Variants in GGT1 observed in about 807,000 individuals in gnomAD.
The protein encoded by GGT1 is gamma-glutamyltransferase 1, also known as glutathione hydrolase 1 proenzyme.
Under a neutral mutation model 56.0 loss-of-function variants are expected in GGT1, and 21 were observed. The observed-to-expected ratio is 0.38, with a 90% confidence interval of 0.27 to 0.54. The LOEUF (loss-of-function observed/expected upper bound fraction) is 0.54. Among genes scored for constraint, GGT1 ranks in the 20% least tolerant of loss-of-function variants. The pLI is 0.82. For synonymous variants in GGT1, 238 were observed against 342.6 expected, an observed-to-expected ratio of 0.69 and a Z score of 3.37; for missense variants, 466 against 787.0, an observed-to-expected ratio of 0.59 and a Z score of 4.88.
In GGT1 at chr22:24,627,911, A is replaced by G; in HGVS notation, c.1268A>G (p.Asp423Gly). 1 of 1,613,570 alleles carries G rather than the reference A, an allele frequency of 6.2e-7. No individual in the cohort carries two copies. The highest frequency in any genetic ancestry group is 8.5e-7 in the Non-Finnish European group (1 of 1,179,796). Residue 423 changes from aspartate (D) to glycine (G), a missense_variant, in exon 13 of 16, where the codon GAC becomes GGC. Asp to Gly is a moderately conservative substitution (Grantham distance 94). Coordinates refer to ENST00000400382, the MANE Select transcript of GGT1 (RefSeq NM_001288833.2). ...ATCCTGTTCAATAATGAAATGGACG[A>G]CTTCAGCTCTCCCAGCATCACCAAC... ...SGILFNNEMD[D>G]FSSPSITNEF...
chr22:24,592,998 G>A, upstream of GGT1: 1 of 1,141,054 alleles, frequency 8.8e-7, no homozygotes, highest in Non-Finnish European at 1.1e-6. Flanking sequence ...CGGCCTCAGA[G>A]CCAGCCTCGG....
rs752986628 is a variant in GGT1, at chr22:24,605,036, A to AT, written c.-429+1509_-429+1510insT. ...AATCCTGTATGTCATATATATATAT[A>AT]AAATATGTAATATATTATATATTAT... On this transcript the variant is annotated intron_variant, in intron 1 of 15. Coordinates refer to ENST00000400382, the MANE Select transcript of GGT1 (RefSeq NM_001288833.2). 4.9e-4 allele frequency among the ~76,000 whole-genome samples: 35 copies of AT among 71,144 alleles called. 2 individuals carry two copies. Among genetic ancestry groups the AT allele is most frequent in the African/African-American group, 1.5e-3 (19 of 12,692 alleles). 46.7% of individuals were successfully genotyped at this position (71,144 alleles called of 152,430 possible).
chr22:24,608,110 A>G (rs1479702608), intron 2 of GGT1, 87 bp downstream of exon 2: 2 of 432,956 alleles, frequency 4.6e-6, no homozygotes, highest in African/African-American at 2.1e-5. Flanking sequence ...AGTTTCCCCT[A>G]GTGTGTGCAG....
chr22:24,593,026 A>C, upstream of GGT1: 1 of 1,062,802 alleles, frequency 9.4e-7, no homozygotes, highest in Non-Finnish European at 1.1e-6. Context: ...CCGCCGGCCC[A>C]GCCGCGCCCC....
chr22:24,588,302 T>C, the GGT1 span: 1 of 1,613,404 alleles, frequency 6.2e-7, no homozygotes, highest in Admixed American at 1.7e-5. Context: ...CGGCAGATCT[T>C]GTCCGAGGAC....
intron 5 of GGT1, among the ~76,000 whole-genome samples, chr22:24,612,467 C>G (rs181265420): frequency 1.1e-4 from 15 of 132,960 alleles, no homozygotes; most frequent in Non-Finnish European, 1.7e-4. Flanking sequence ...CCCCCTCCCC[C>G]CAAGGAACAC....
chr22:24,620,037 A>T lies in GGT1; in HGVS notation c.383-291A>T, dbSNP rs1390635302. 9.8e-5 allele frequency among the ~76,000 whole-genome samples: 6 copies of T among 61,084 alleles called. No homozygotes were observed. The highest frequency in any genetic ancestry group is 2.0e-4 in the Admixed American group (1 of 5,092). 40.1% of individuals were successfully genotyped at this position (61,084 alleles called of 152,430 possible). A position where few individuals can be genotyped will look rare whatever the true frequency, so the allele number is the denominator to read the frequency against. On this transcript the variant is annotated intron_variant, in intron 7 of 15. Coordinates refer to ENST00000400382, the MANE Select transcript of GGT1 (RefSeq NM_001288833.2). The surrounding 1 kb of genome is among the most constrained non-coding windows in gnomAD (Gnocchi z 5.6). The stretch of plus-strand genomic sequence containing the variant: ...CTCCTAAAAAAAAACAATTAAAATT[A>T]AAAAATAAATTTAAAAATTAAAAAT...
At chr22:24,586,063 C>T in the GGT1 span, 1 of 1,612,020 alleles carries the variant, frequency 6.2e-7, no homozygotes, top group Non-Finnish European at 8.5e-7. Context: ...CCAGCAGGGG[C>T]TGGGGCAGGG....
intron 11 of GGT1, among the ~76,000 whole-genome samples, chr22:24,626,876 T>C (rs2047817060): frequency 6.7e-6 from 1 of 150,070 alleles, no homozygotes; most frequent in Non-Finnish European, 1.5e-5. Flanking sequence ...CCCACTCCAT[T>C]CACTCTCTGC....
At chr22:24,615,801 A>C (rs1478230790) in intron 7 of GGT1, 1 of 151,878 alleles carries the variant, frequency 6.6e-6, no homozygotes, top group East Asian at 1.9e-4. Context: ...GTGGTACAGT[A>C]GATTGTGAGA....
At chr22:24,595,520 A>T (rs1417770437) in intron 1 of GGT1, among the ~76,000 whole-genome samples, 1 of 152,202 alleles carries the variant, frequency 6.6e-6, no homozygotes, top group Non-Finnish European at 1.5e-5. Flanking sequence ...CCCGGGGCTG[A>T]TGTGGAAGCT....
chr22:24,627,875 C>T lies in GGT1; in HGVS notation c.1232C>T (p.Pro411Leu), dbSNP rs201969696. 151 of 1,613,748 alleles carry T rather than the reference C, an allele frequency of 9.4e-5. No individual in the cohort carries two copies. Among genetic ancestry groups the T allele is most frequent in the African/African-American group, 1.9e-4 (14 of 75,008 alleles). ...NLYFGSKVRS[P>L]VSGILFNNEM... ...AGCTTTGGCTCCAAGGTCCGCTCCC[C>T]GGTCAGCGGGATCCTGTTCAATAAT... The change falls in exon 13 of 16, where the codon CCG becomes CTG. Residue 411 changes from proline (P) to leucine (L), a missense_variant. Coordinates refer to ENST00000400382, the MANE Select transcript of GGT1 (RefSeq NM_001288833.2).
upstream of GGT1, chr22:24,593,245 C>A (rs1413581922): frequency 7.9e-6 from 3 of 379,408 alleles, no homozygotes. Flanking sequence ...GCCCTGCTTG[C>A]GTCAGTCTTG....
upstream of GGT1, chr22:24,592,263 GCA>G: frequency 2.2e-6 from 1 of 464,874 alleles, no homozygotes. Flanking sequence ...GTGTTGTGAT[GCA>G]CAGATGCTGG....
the GGT1 span, chr22:24,588,896 G>A: frequency 2.5e-4 from 252 of 1,002,416 alleles, no homozygotes; most frequent in South Asian, 8.2e-3. Flanking sequence ...ACTGGGCTCC[G>A]GCAGAGGCCC....
chr22:24,592,950 G>A (rs1314040233), upstream of GGT1: 47 of 1,220,676 alleles, frequency 3.9e-5, no homozygotes, highest in Non-Finnish European at 4.7e-5. Flanking sequence ...ACCGCACCCG[G>A]CGCTCGTAGG....
chr22:24,590,121 C>T (rs1313951150), upstream of GGT1, among the ~76,000 whole-genome samples: 4 of 151,762 alleles, frequency 2.6e-5, no homozygotes, highest in African/African-American at 7.2e-5. Flanking sequence ...TGGCGGGTGG[C>T]CCCCTTCTTT....
chr22:24,593,003 C>T (rs2045620469), upstream of GGT1: 14 of 1,129,936 alleles, frequency 1.2e-5, no homozygotes, highest in Middle Eastern at 3.7e-4. Context: ...TCAGAGCCAG[C>T]CTCGGGCCCG....
upstream of GGT1, chr22:24,589,971 T>A: frequency 6.4e-7 from 1 of 1,562,834 alleles, no homozygotes; most frequent in South Asian, 1.2e-5. Flanking sequence ...GAAGAGAGAG[T>A]TGAGTGAGCC....
Sources: allele counts gnomAD v4.1 joint callset (sites outside exome capture counted in the v4.1 genomes callset), GRCh38; gene constraint gnomAD v4.1.1; non-coding constraint Gnocchi (gnomAD v3.1); transcripts MANE v1.5; gene names NCBI Gene and HGNC (gene_info 2026-07-23, HGNC 2026-07-21).